Variants in DCHS2 observed in about 807,000 individuals in gnomAD.
The protein encoded by DCHS2 is protocadherin-23.
In DCHS2, 142 loss-of-function variants were observed where a neutral mutation model predicts 182.4. That is an observed-to-expected ratio of 0.78 (90% CI 0.68 to 0.89). The LOEUF is 0.89. Ranked by LOEUF, DCHS2 falls within the 40% of genes least tolerant of loss-of-function variation. The probability of loss-of-function intolerance (pLI) is 0.00; values close to 1 mark genes in which losing one functional copy is unlikely to be tolerated. For synonymous variants in DCHS2, 1,740 were observed against 1,663.3 expected (o/e 1.05, Z -1.12); for missense variants, 4,319 against 4,198.6 (o/e 1.03, Z -0.79).
chr4:154,256,164 G>GAGAT (rs1313742442), intron 15 of DCHS2, among the ~76,000 whole-genome samples: 1 of 151,790 alleles, frequency 6.6e-6, no homozygotes, highest in East Asian at 1.9e-4. Flanking sequence ...TTTTATTTTT[G>GAGAT]AGATAGAGTC....
At chr4:154,282,699 A>G (rs1219068296) in intron 13 of DCHS2, among the ~76,000 whole-genome samples, 1 of 152,250 alleles carries the variant, frequency 6.6e-6, no homozygotes, top group East Asian at 1.9e-4. Flanking sequence ...AATTGAAAAC[A>G]GGATCTCAAA....
At position 154,233,508 on chromosome 4, in the gene DCHS2, A is replaced by AAAT. The variant is rs1164041112; in HGVS notation, c.*1025_*1027dup. 1 of 152,212 alleles carries AAAT rather than the reference A, an allele frequency of 6.6e-6. No homozygotes were observed. The highest frequency in any genetic ancestry group is 1.5e-5 in the Non-Finnish European group (1 of 68,030). 9.4% of individuals were successfully genotyped at this position (152,212 alleles called of 1,614,324 possible). ...CATTTCCATAAAAAACTTCATTTAA[A>AAAT]AATATATTGCTAAATTACTCTATGA... is the stretch of plus-strand genomic sequence containing the variant. On this transcript the variant is annotated 3_prime_UTR_variant, in exon 20 of 20. Coordinates refer to ENST00000357232, the MANE Select transcript of DCHS2 (RefSeq NM_001358235.2).
chr4:154,234,666 GA>G lies in DCHS2; in HGVS notation c.9985del (p.Ser3329LeufsTer7), dbSNP rs1377732960. The G allele has an allele frequency of 6.2e-7, 1 of 1,614,024 alleles. No individual in the cohort carries two copies. Among genetic ancestry groups the G allele is most frequent in the Non-Finnish European group, 8.5e-7 (1 of 1,179,938 alleles). On this transcript the variant is annotated frameshift_variant, in exon 20 of 20. Transcript: ENST00000357232. LOFTEE classifies it low-confidence loss of function (END_TRUNC). ...SLPEGMTPNF[S>X]PSLSLLTMQP... The stretch of plus-strand genomic sequence containing the variant: ...CATCGTCAATAGGGAAAGAGATGGA[GA>G]AAAATTGGGAGTCATGCCTTCTGGC...
Position 154,234,351 on chromosome 4 carries a change from A to C in DCHS2, c.*185T>G. The C allele has an allele frequency of 1.3e-6, 1 of 792,926 alleles. No individual in the cohort carries two copies. The highest frequency in any genetic ancestry group is 2.2e-5 in the South Asian group (1 of 46,090). 49.1% of individuals were successfully genotyped at this position (792,926 alleles called of 1,614,324 possible). On this transcript the variant is annotated 3_prime_UTR_variant, in exon 20 of 20. Coordinates refer to ENST00000357232, the MANE Select transcript of DCHS2 (RefSeq NM_001358235.2). ...GCAACACATAAGGATTAAAAGAGGA[A>C]ATAACTTTTCATTAAGGCTGGAAGA...
chr4:154,275,203 C>A (rs1464221962), intron 13 of DCHS2, among the ~76,000 whole-genome samples: 4 of 151,850 alleles, frequency 2.6e-5, no homozygotes, highest in Non-Finnish European at 5.9e-5. Flanking sequence ...TGTGATATTG[C>A]CTGCAAAACT....
rs1453304147 is a variant in DCHS2 at position 154,320,957 on chromosome 4, G to A, written c.4442C>T (p.Thr1481Ile). 1.9e-6 allele frequency: 3 copies of A among 1,614,084 alleles called. No individual in the cohort carries two copies. The highest frequency in any genetic ancestry group is 2.5e-6 in the Non-Finnish European group (3 of 1,179,980). Reference sequence around the variant, plus strand: ...GGAAAGGTTTTTGCTATGGTCTGTAGTAATCACTCTGAAAAGATAATGAGA... The same window carrying A: ...GGAAAGGTTTTTGCTATGGTCTGTAATAATCACTCTGAAAAGATAATGAGA... ...TTSHYLFRVI[T>I]TDHSKNLSLS... The change falls in exon 9 of 20, where the codon ACT (threonine) becomes ATT (isoleucine). Residue 1481 changes from threonine to isoleucine, a missense_variant. Coordinates refer to ENST00000357232, the MANE Select transcript of DCHS2 (RefSeq NM_001358235.2).
At chr4:154,390,354 G>C (rs1418435083) in intron 1 of DCHS2, among the ~76,000 whole-genome samples, 3 of 146,022 alleles carry the variant, frequency 2.1e-5, no homozygotes, top group Non-Finnish European at 4.5e-5. Flanking sequence ...CTATGAGTGA[G>C]AATATGCGGT....
intron 1 of DCHS2, among the ~76,000 whole-genome samples, chr4:154,432,042 C>A (rs1733580758): frequency 6.6e-6 from 1 of 152,306 alleles, no homozygotes; most frequent in Non-Finnish European, 1.5e-5. Context: ...ACCTGTGCCA[C>A]TTTGTCAGAA....
chr4:154,358,484 T>C (rs1029387476), intron 3 of DCHS2, among the ~76,000 whole-genome samples: 7 of 152,202 alleles, frequency 4.6e-5, no homozygotes, highest in African/African-American at 1.7e-4. Context: ...CAAACTTAAT[T>C]GTACTTGAAA....
chr4:154,249,942 G>A (rs1732271220), intron 16 of DCHS2, among the ~76,000 whole-genome samples: 1 of 151,968 alleles, frequency 6.6e-6, no homozygotes. Context: ...TGAGTACTGT[G>A]CTCACTACAT....
chr4:154,331,462 G>C, intron 5 of DCHS2: 1 of 1,133,456 alleles, frequency 8.8e-7, no homozygotes, highest in African/African-American at 1.6e-5. Context: ...TAGCTGTATG[G>C]TTTGTGCCCT....
intron 3 of DCHS2, among the ~76,000 whole-genome samples, chr4:154,362,049 T>C (rs1730148496): frequency 6.6e-6 from 1 of 152,146 alleles, no homozygotes; most frequent in Non-Finnish European, 1.5e-5. Context: ...CAATTCTCAA[T>C]CTTCTTCTCA....
rs1032957094 is a variant in DCHS2, at chr4:154,298,816, C to T, written c.5606-108G>A. The T allele has an allele frequency of 8.2e-5, 114 of 1,392,552 alleles. 1 individual carries two copies. Among genetic ancestry groups the T allele is most frequent in the Non-Finnish European group, 1.0e-4 (110 of 1,062,822 alleles). The allele number at this position is 1,392,552 out of a possible 1,614,324, so 86.3% of individuals were successfully genotyped here. A position where few individuals can be genotyped will look rare whatever the true frequency, so the allele number is the denominator to read the frequency against. On this transcript the variant is annotated intron_variant, in intron 12 of 19. Coordinates refer to ENST00000357232, the MANE Select transcript of DCHS2 (RefSeq NM_001358235.2). ...ACATTCATTAAAAATATATTTATTC[C>T]CGATTATATTGTATCCTAGCACTTT... is the stretch of plus-strand genomic sequence containing the variant.
chr4:154,320,283 A>AG, intron 9 of DCHS2, 96 bp downstream of exon 9: 1 of 1,502,640 alleles, frequency 6.7e-7, no homozygotes, highest in Non-Finnish European at 8.9e-7. Context: ...ACAACAATGT[A>AG]TTGTACACTT....
At chr4:154,420,246 C>CAGACAGACAGATAGATAGAT (rs1553950394) in intron 1 of DCHS2, among the ~76,000 whole-genome samples, 1 of 144,748 alleles carries the variant, frequency 6.9e-6, no homozygotes, top group Non-Finnish European at 1.5e-5. Context: ...GACAGACAGA[C>CAGACAGACAGATAGATAGAT]AGATAGATAG....
chr4:154,450,667 T>A (rs1734493481), intron 1 of DCHS2, among the ~76,000 whole-genome samples: 4 of 151,974 alleles, frequency 2.6e-5, no homozygotes, highest in Non-Finnish European at 5.9e-5. Flanking sequence ...ACCCCATCTC[T>A]ACTAAAAATA....
intron 12 of DCHS2, among the ~76,000 whole-genome samples, chr4:154,302,085 G>T: frequency 6.6e-6 from 1 of 152,134 alleles, no homozygotes; most frequent in Middle Eastern, 3.4e-3. Context: ...ATAATAAAAT[G>T]ATCAATATTT....
intron 1 of DCHS2, among the ~76,000 whole-genome samples, chr4:154,412,747 G>A (rs1480181256): frequency 6.6e-6 from 1 of 152,064 alleles, no homozygotes; most frequent in Non-Finnish European, 1.5e-5. Context: ...AATAGTATCT[G>A]GCATATAACA....
At chr4:154,322,904 T>C (rs1736124321) in intron 7 of DCHS2, 1 of 302,126 alleles carries the variant, frequency 3.3e-6, no homozygotes, top group Non-Finnish European at 6.1e-6. Context: ...CACAGTACCA[T>C]ATTATACCTT....
Sources: allele counts gnomAD v4.1 joint callset (sites outside exome capture counted in the v4.1 genomes callset), GRCh38; gene constraint gnomAD v4.1.1; transcripts MANE v1.5; gene names NCBI Gene and HGNC (gene_info 2026-07-23, HGNC 2026-07-21).